The following RECQL5 variants were observed in gnomAD, a reference collection of about 807,000 sequenced individuals.
RECQL5 encodes the protein RecQ like helicase 5.
A neutral mutation model predicts 103.4 loss-of-function variants in RECQL5; 88 were observed. The observed-to-expected ratio is 0.85, with a 90% CI of 0.72 to 1.02. The LOEUF is 1.02. Ranked by LOEUF, RECQL5 falls within the 50% of genes least tolerant of loss-of-function variation. RECQL5 has a pLI of 0.00. For missense variants in RECQL5, 1,232 were observed against 1,284.3 expected (o/e 0.96, Z 0.62); for synonymous variants, 552 against 507.9 (o/e 1.09, Z -1.17).
chr17:75,641,062 G>A, intron 8 of RECQL5: 1 of 1,279,398 alleles, frequency 7.8e-7, no homozygotes, highest in African/African-American at 1.5e-5. Flanking sequence ...CCCTACCAAG[G>A]AAACAAGGGC....
chr17:75,645,282 T>C (rs1432946865), intron 8 of RECQL5, among the ~76,000 whole-genome samples: 1 of 152,166 alleles, frequency 6.6e-6, no homozygotes, highest in East Asian at 1.9e-4. Flanking sequence ...AAGTAGTCAA[T>C]AGGTATTTCT....
At chr17:75,629,575 G>C in intron 15 of RECQL5, 100 bp from the exon 16 acceptor site, 1 of 1,502,998 alleles carries the variant, frequency 6.7e-7, no homozygotes, top group South Asian at 1.3e-5. Context: ...GGGCTCTCAG[G>C]AGTGTGGGAG....
chr17:75,634,397 A>G (rs2148255105), intron 8 of RECQL5, among the ~76,000 whole-genome samples: 1 of 152,288 alleles, frequency 6.6e-6, no homozygotes, highest in East Asian at 1.9e-4. Context: ...ACCCTGCACT[A>G]GGGGAGGGCT....
At position 75,661,027 on chromosome 17, in the gene RECQL5, C is replaced by T. The variant is rs2059691731; in HGVS notation, c.914G>A (p.Trp305Ter). 1 of 1,614,208 alleles carries T rather than the reference C, an allele frequency of 6.2e-7. No homozygotes were observed. The highest frequency in any genetic ancestry group is 8.5e-7 in the Non-Finnish European group (1 of 1,180,022). The change falls in exon 6 of 20, where the codon TGG (tryptophan) becomes TAG (stop). Residue 305 changes from tryptophan (W) to a stop codon, truncating the protein, a stop_gained. Coordinates refer to ENST00000317905, the MANE Select transcript of RECQL5 (RefSeq NM_004259.7). LOFTEE classifies it high-confidence loss of function. Reference sequence around the variant, plus strand: ...AATTACAGGGACCTTCTCCTCCATCCAGTCGTTCTGCACCAGCGTTCTTTC... The same window carrying T: ...AATTACAGGGACCTTCTCCTCCATCTAGTCGTTCTGCACCAGCGTTCTTTC... ...ASERTLVQNDWMEEKVPVIVA... is the reference protein window; with the variant it reads ...ASERTLVQND
rs2148220019 is a variant in RECQL5, at chr17:75,629,124, A to G, written c.2299T>C (p.Phe767Leu). 6.2e-7 allele frequency: 1 copy of G among 1,613,738 alleles called. No individual in the cohort carries two copies. The highest frequency in any genetic ancestry group is 1.7e-4 in the Middle Eastern group (1 of 6,056). The part of the protein sequence containing the change: ...AHKDSQSIAR[F>L]FCRRVESPAL... ...GGGCTTTCCACCCTTCGGCAGAAGA[A>G]GCGGGCGATGCTCTGAGAATCCTTG... The change falls in exon 16 of 20, where the codon TTC (phenylalanine) becomes CTC (leucine). Residue 767 changes from phenylalanine (F) to leucine (L), a missense_variant. Coordinates refer to ENST00000317905, the MANE Select transcript of RECQL5 (RefSeq NM_004259.7).
chr17:75,647,627 T>C, intron 8 of RECQL5: 5 of 1,494,772 alleles, frequency 3.3e-6, no homozygotes, highest in Non-Finnish European at 4.5e-6. Flanking sequence ...CCCATTCCAG[T>C]GGTGGGCCCC....
intron 7 of RECQL5, among the ~76,000 whole-genome samples, chr17:75,653,447 A>G (rs1195289395): frequency 6.6e-6 from 1 of 152,106 alleles, no homozygotes; most frequent in African/African-American, 2.4e-5. Context: ...TCCTGGCTTC[A>G]CTCTGTTATA....
rs564665631 is a variant in RECQL5, at chr17:75,652,725, C to G, written c.1150-1460G>C. 3.3e-5 allele frequency among the ~76,000 whole-genome samples: 5 copies of G among 152,262 alleles called. No individual in the cohort carries two copies. In the South Asian group the frequency reaches 6.2e-4, roughly 19 times the overall value. ...CCTGGCTCCTGAGCGCAGGGTAAAG[C>G]TGGGGGAAGGAGATGGTACTGTGAA... On this transcript the variant is annotated intron_variant, in intron 7 of 19. Transcript: ENST00000317905.
intron 7 of RECQL5, 43 bp downstream of exon 7, chr17:75,658,255 G>A: frequency 2.5e-6 from 4 of 1,589,954 alleles, no homozygotes; most frequent in Non-Finnish European, 3.4e-6. Context: ...AAACTGGAGA[G>A]TGGTGGGTCA....
In RECQL5 at chr17:75,631,761, T is replaced by C. The variant is rs376506151; in HGVS notation, c.1230-93A>G. 89 of 1,326,292 alleles carry C rather than the reference T, an allele frequency of 6.7e-5. 1 individual carries two copies. In the East Asian group the frequency reaches 8.7e-4, roughly 13 times the overall value. 82.2% of individuals were successfully genotyped at this position (1,326,292 alleles called of 1,614,324 possible). On this transcript the variant is annotated intron_variant, in intron 8 of 19. Coordinates refer to ENST00000317905, the MANE Select transcript of RECQL5 (RefSeq NM_004259.7). ...CCTGAATCGCTAGCTGAGCGAGCAC[T>C]GCCGCGTCCGGCACCATGCCGGGAG...
At chr17:75,651,137 T>C (rs773826874) in intron 8 of RECQL5, 49 bp downstream of exon 8, 88 of 1,613,950 alleles carry the variant, frequency 5.5e-5, no homozygotes, top group Non-Finnish European at 7.4e-5. Context: ...GCCGGGGAAG[T>C]AAATGATCTC....
At chr17:75,628,069 C>A in intron 18 of RECQL5, 149 bp downstream of exon 18, 2 of 706,414 alleles carry the variant, frequency 2.8e-6, no homozygotes, top group Non-Finnish European at 4.9e-6. Context: ...ACGGCCATGA[C>A]CCAACGGCAA....
In RECQL5 at chr17:75,665,093, T is replaced by C; in HGVS notation, c.210A>G (p.Lys70=). ...GAGGAGAGACTACAATGGTGATGCC[T>C]TTGGCCAACAGAGCAGGGAGCTGAT... is the stretch of plus-strand genomic sequence containing the variant. ...LCYQLPALLA[K]GITIVVSPLI... is the part of the protein sequence containing the mutation. Residue 70 remains lysine, a synonymous_variant, in exon 3 of 20, where the codon AAA becomes AAG. Transcript: ENST00000317905. 5 of 1,612,476 alleles carry C rather than the reference T, an allele frequency of 3.1e-6. No homozygotes were observed. Among genetic ancestry groups the C allele is most frequent in the Non-Finnish European group, 4.2e-6 (5 of 1,179,448 alleles).
Position 75,629,235 on chromosome 17 carries a change from T to C in RECQL5, c.2188A>G (p.Lys730Glu), listed in dbSNP as rs201026890. The C allele has an allele frequency of 2.1e-4, 344 of 1,612,790 alleles. No individual in the cohort carries two copies. In the Middle Eastern group the frequency reaches 2.5e-3, roughly 12 times the overall value. Reference protein sequence around the residue: ...SAHYGGPSPEKKAKSSSGGSS... With the variant: ...SAHYGGPSPEEKAKSSSGGSS... ...CCCCCAGAGGAACTTTTTGCCTTCT[T>C]CTCAGGGGAGGGCCCCCCATAGTGA... The change falls in exon 16 of 20, where the codon AAG becomes GAG. Residue 730 changes from lysine to glutamate, a missense_variant. Transcript: ENST00000317905.
Position 75,661,193 on chromosome 17 carries a change from T to C in RECQL5, c.875-127A>G, listed in dbSNP as rs904888356. On this transcript the variant is annotated intron_variant, in intron 5 of 19. Transcript: ENST00000317905. ...CTGAATCTTTCACTTCCCAGCTGTC[T>C]GACCTTAACATCAGGCGCTTAACTT... The C allele has an allele frequency of 4.1e-6, 3 of 732,528 alleles. No homozygotes were observed. The Admixed American group carries it at 6.5e-5, about 16-fold the overall frequency. The allele number at this position is 732,528 out of a possible 1,614,324, so 45.4% of individuals were successfully genotyped here. A position where few individuals can be genotyped will look rare whatever the true frequency, so the allele number is the denominator to read the frequency against.
At chr17:75,645,315 C>A (rs149817892) in intron 8 of RECQL5, among the ~76,000 whole-genome samples, 1 of 152,182 alleles carries the variant, frequency 6.6e-6, no homozygotes, top group Admixed American at 6.5e-5. Flanking sequence ...TTTCTCCACT[C>A]GCTCTGAGGT....
At chr17:75,656,227 C>CCA (rs2059618151) in intron 7 of RECQL5, among the ~76,000 whole-genome samples, 1 of 152,152 alleles carries the variant, frequency 6.6e-6, no homozygotes, top group South Asian at 2.1e-4. Flanking sequence ...CAGGCATGCG[C>CCA]CACCACACCT....
Position 75,640,703 on chromosome 17 carries a change from C to T in RECQL5, c.1230-9035G>A. On this transcript the variant is annotated intron_variant, in intron 8 of 19. Coordinates refer to ENST00000317905, the MANE Select transcript of RECQL5 (RefSeq NM_004259.7). The surrounding 1 kb of genome is among the most constrained non-coding windows in gnomAD (Gnocchi z 4.6). Reference sequence around the variant, plus strand: ...TCCACCAAACCTGTGGGGGAAAGACCCTGGCAGGCAGTGGGTTTCTCTGGG... The same window carrying T: ...TCCACCAAACCTGTGGGGGAAAGACTCTGGCAGGCAGTGGGTTTCTCTGGG... 6.6e-7 allele frequency: 1 copy of T among 1,506,814 alleles called. No homozygotes were observed. The highest frequency in any genetic ancestry group is 8.9e-7 in the Non-Finnish European group (1 of 1,123,504). The allele number at this position is 1,506,814 out of a possible 1,614,324, so 93.3% of individuals were successfully genotyped here.
At chr17:75,654,868 C>T (rs956291369) in intron 7 of RECQL5, among the ~76,000 whole-genome samples, 1 of 152,200 alleles carries the variant, frequency 6.6e-6, no homozygotes, top group African/African-American at 2.4e-5. Flanking sequence ...TCTCAGCTCA[C>T]TGCAGCCTTG....
Sources: gnomAD v4.1 joint callset for allele counts (sites outside exome capture counted in the v4.1 genomes callset) on GRCh38, gnomAD v4.1.1 for gene constraint, Gnocchi (gnomAD v3.1) non-coding constraint, MANE v1.5 for transcripts, NCBI Gene and HGNC (gene_info 2026-07-23, HGNC 2026-07-21) for gene names.